Variants in CCBE1 observed in about 807,000 individuals in gnomAD.
The protein encoded by CCBE1 is collagen and calcium-binding EGF domain-containing protein 1.
CCBE1 carries 37 observed loss-of-function variants against 50.0 expected under a neutral mutation model. That is an observed-to-expected ratio of 0.74 (90% CI 0.57 to 0.97). The LOEUF (loss-of-function observed/expected upper bound fraction) is 0.97, where lower values mean the gene tolerates loss of function less well. CCBE1 is among the 50% of genes least tolerant of loss of function. The probability of loss-of-function intolerance (pLI) is 0.00; values close to 1 mark genes in which losing one functional copy is unlikely to be tolerated. For missense variants in CCBE1, 538 were observed against 523.8 expected (o/e 1.03, Z -0.26); for synonymous variants, 234 against 203.7 (o/e 1.15, Z -1.27).
chr18:59,696,816 C>A (rs1480336708), intron 1 of CCBE1, 107 bp from the exon 2 acceptor site: 1 of 1,251,884 alleles, frequency 8.0e-7, no homozygotes, highest in South Asian at 1.2e-5. Context: ...CTCCCCGTCC[C>A]GGCGCTCTGG....
intron 5 of CCBE1, among the ~76,000 whole-genome samples, chr18:59,464,521 C>T (rs1335164282): frequency 6.6e-6 from 1 of 152,226 alleles, no homozygotes; most frequent in Non-Finnish European, 1.5e-5. Context: ...TTTCCTCTGC[C>T]CTATGAACAC....
intron 2 of CCBE1, among the ~76,000 whole-genome samples, chr18:59,506,505 G>A (rs1913880114): frequency 6.6e-6 from 1 of 152,232 alleles, no homozygotes; most frequent in South Asian, 2.1e-4. Context: ...CCCAGCAGAA[G>A]AAAACACTGT....
intron 1 of CCBE1, 84 bp downstream of exon 1, chr18:59,697,128 G>A (rs2054818769): frequency 6.5e-7 from 1 of 1,530,026 alleles, no homozygotes; most frequent in African/African-American, 1.4e-5. Flanking sequence ...GTGGGAGTGG[G>A]CGCCGGGGAG....
Position 59,634,504 on chromosome 18 carries a change from G to C in CCBE1, c.212+62125C>G, listed in dbSNP as rs115356926. On this transcript the variant is annotated intron_variant, in intron 2 of 10. Transcript: ENST00000439986. ...CTCTCAAGCCAGGGCCTTTTGGACT[G>C]CCACAGATTATGACAGTTAAATATG... Among the ~76,000 whole-genome samples the C allele has an allele frequency of 2.0e-3, 301 of 152,316 alleles. 1 individual carries two copies. The highest frequency in any genetic ancestry group is 7.1e-3 in the African/African-American group (295 of 41,560).
At chr18:59,690,720 A>G (rs2054718600) in intron 2 of CCBE1, among the ~76,000 whole-genome samples, 1 of 152,182 alleles carries the variant, frequency 6.6e-6, no homozygotes, top group Non-Finnish European at 1.5e-5. Context: ...ATTGTTTCCA[A>G]TTACTCCGTA....
intron 2 of CCBE1, among the ~76,000 whole-genome samples, chr18:59,542,281 A>AC (rs747991341): frequency 0.62 from 93,486 of 151,848 alleles, 29,299 homozygotes; most frequent in African/African-American, 0.7. Flanking sequence ...TAGAAATCTT[A>AC]ATAAATTCTT....
chr18:59,531,212 G>A (rs1001458373), intron 2 of CCBE1, among the ~76,000 whole-genome samples: 4 of 152,058 alleles, frequency 2.6e-5, no homozygotes, highest in African/African-American at 9.7e-5. Context: ...AAAACTGAAT[G>A]AGAACTCCCA....
At chr18:59,526,025 G>T (rs753410830) in intron 2 of CCBE1, among the ~76,000 whole-genome samples, 6 of 152,100 alleles carry the variant, frequency 3.9e-5, no homozygotes, top group Admixed American at 6.5e-5. Flanking sequence ...GTAGTGTGAT[G>T]CCTCCAAGCT....
At chr18:59,637,519 T>C (rs976178233) in intron 2 of CCBE1, among the ~76,000 whole-genome samples, 4 of 151,940 alleles carry the variant, frequency 2.6e-5, no homozygotes, top group African/African-American at 4.8e-5. Flanking sequence ...GATAAAGAAG[T>C]AGCATAAAGA....
intron 2 of CCBE1, among the ~76,000 whole-genome samples, chr18:59,543,193 G>A (rs1915537150): frequency 6.6e-6 from 1 of 152,070 alleles, no homozygotes; most frequent in Non-Finnish European, 1.5e-5. Context: ...ACTCCCAGGG[G>A]CCTAGGATTC....
rs750839404 is a variant in CCBE1 at position 59,555,775 on chromosome 18, A to G, written c.213-75537T>C. ...TTTAAAATAAATGCTGCCATACCAC[A>G]TAAGAATGCCAACAGCCCTGGGGTC... On this transcript the variant is annotated intron_variant, in intron 2 of 10. Transcript: ENST00000439986. Among the ~76,000 whole-genome samples, 4 of 152,340 alleles carry G rather than the reference A, an allele frequency of 2.6e-5. No homozygotes were observed. In the East Asian group the frequency reaches 7.7e-4, roughly 29 times the overall value.
intron 5 of CCBE1, 196 bp from the exon 6 acceptor site, chr18:59,455,147 G>A (rs1030248102): frequency 1.2e-5 from 8 of 674,508 alleles, no homozygotes; most frequent in East Asian, 2.8e-5. Context: ...AGGACAGAGG[G>A]AGAGGGGCCC....
intron 2 of CCBE1, among the ~76,000 whole-genome samples, chr18:59,618,773 A>G (rs1026448598): frequency 1.3e-5 from 2 of 152,164 alleles, no homozygotes; most frequent in African/African-American, 4.8e-5. Context: ...ATTAAAAAGT[A>G]TCTGTATCTC....
chr18:59,450,747 C>T (rs1384531177), intron 6 of CCBE1, among the ~76,000 whole-genome samples: 1 of 152,250 alleles, frequency 6.6e-6, no homozygotes. Flanking sequence ...GTTGGCCAGA[C>T]TGGTCTGTAT....
At chr18:59,462,761 G>T (rs1911553066) in intron 5 of CCBE1, among the ~76,000 whole-genome samples, 1 of 152,028 alleles carries the variant, frequency 6.6e-6, no homozygotes, top group South Asian at 2.1e-4. Context: ...AGTGGGTGCA[G>T]TGAGGCACAC....
chr18:59,456,089 C>T (rs1285422950), intron 5 of CCBE1, among the ~76,000 whole-genome samples: 1 of 152,182 alleles, frequency 6.6e-6, no homozygotes, highest in Non-Finnish European at 1.5e-5. Flanking sequence ...ATGAAGCCTG[C>T]TCTCTACCCA....
At chr18:59,656,714 C>T (rs911504731) in intron 2 of CCBE1, among the ~76,000 whole-genome samples, 6 of 152,178 alleles carry the variant, frequency 3.9e-5, no homozygotes, top group Admixed American at 2.0e-4. Flanking sequence ...GTTGTAAACA[C>T]AAGACTTATT....
chr18:59,645,499 G>C (rs1323061470), intron 2 of CCBE1, among the ~76,000 whole-genome samples: 1 of 152,182 alleles, frequency 6.6e-6, no homozygotes, highest in Non-Finnish European at 1.5e-5. Context: ...ATGGTACTTT[G>C]TCCCAATCCA....
chr18:59,468,573 C>T (rs772359620), intron 4 of CCBE1, among the ~76,000 whole-genome samples: 7 of 152,044 alleles, frequency 4.6e-5, no homozygotes, highest in Non-Finnish European at 8.8e-5. Context: ...TCCCAAATGC[C>T]GACAGGGAGC....
Sources: allele counts gnomAD v4.1 joint callset (sites outside exome capture counted in the v4.1 genomes callset), GRCh38; gene constraint gnomAD v4.1.1; transcripts MANE v1.5; gene names NCBI Gene and HGNC (gene_info 2026-07-23, HGNC 2026-07-21).